EML6: variants seen among roughly 807,000 people sequenced by gnomAD.
EML6 encodes the protein EMAP like 6.
In EML6, 154 loss-of-function variants were observed where a neutral mutation model predicts 240.1. That is an observed-to-expected ratio of 0.64 (90% CI 0.56 to 0.73). The LOEUF (loss-of-function observed/expected upper bound fraction) is 0.73. Among genes scored for constraint, EML6 ranks in the 30% least tolerant of loss-of-function variants. EML6 has a pLI of 0.00. For synonymous variants in EML6, 1,148 were observed against 899.0 expected (o/e 1.28, Z -4.95); for missense variants, 2,964 against 2,474.6 (o/e 1.20, Z -4.20).
At chr2:54,875,736 C>A (rs1671472181) in intron 16 of EML6, among the ~76,000 whole-genome samples, 1 of 152,168 alleles carries the variant, frequency 6.6e-6, no homozygotes, top group Admixed American at 6.5e-5. Context: ...TCTTTTAACT[C>A]AGTATTTATT....
intron 7 of EML6, among the ~76,000 whole-genome samples, chr2:54,835,488 A>T (rs952983589): frequency 1.3e-5 from 2 of 152,120 alleles, no homozygotes; most frequent in African/African-American, 4.8e-5. Flanking sequence ...GCAAGCTTGC[A>T]CTCCAAGGGC....
intron 7 of EML6, among the ~76,000 whole-genome samples, chr2:54,835,983 G>A (rs1203886724): frequency 6.6e-6 from 1 of 152,096 alleles, no homozygotes; most frequent in Non-Finnish European, 1.5e-5. Context: ...CTCCAGTCCC[G>A]CGGGCGGCTC....
At chr2:54,843,710 G>A (rs1346715059) in intron 7 of EML6, among the ~76,000 whole-genome samples, 1 of 151,966 alleles carries the variant, frequency 6.6e-6, no homozygotes, top group East Asian at 1.9e-4. Flanking sequence ...GGGTGTGGTG[G>A]TGGGCATCTG....
intron 24 of EML6, among the ~76,000 whole-genome samples, chr2:54,908,295 T>C (rs1403976484): frequency 6.6e-6 from 1 of 151,116 alleles, no homozygotes; most frequent in Non-Finnish European, 1.5e-5. Flanking sequence ...CTGCAATCTG[T>C]GCCTCCTGTG....
intron 25 of EML6, among the ~76,000 whole-genome samples, chr2:54,914,237 A>G (rs1037390289): frequency 6.6e-6 from 1 of 152,192 alleles, no homozygotes; most frequent in Non-Finnish European, 1.5e-5. Flanking sequence ...CAGATAAGGA[A>G]ACTAAGGCTC....
chr2:54,964,457 A>C, intron 37 of EML6, 114 bp from the exon 38 acceptor site: 1 of 946,086 alleles, frequency 1.1e-6, no homozygotes, highest in Non-Finnish European at 1.6e-6. Flanking sequence ...TGTGAGTCAC[A>C]AGGTGGCTCT....
At chr2:54,958,037 A>T in intron 33 of EML6, 39 bp downstream of exon 33, 1 of 1,511,440 alleles carries the variant, frequency 6.6e-7, no homozygotes, top group East Asian at 2.5e-5. Context: ...GGGGACCCAG[A>T]CCCCCTGGGC....
chr2:54,724,969 G>T lies in EML6; in HGVS notation c.-93G>T, dbSNP rs1682836484. The T allele has an allele frequency of 3.7e-6, 4 of 1,078,682 alleles. No individual in the cohort carries two copies. The African/African-American group carries it at 6.7e-5, about 18-fold the overall frequency. The allele number at this position is 1,078,682 out of a possible 1,614,324, so 66.8% of individuals were successfully genotyped here. ...CGCGGAAATCAGCGCCCTGCGCCGC[G>T]CGCTGAGCCCCTGCAGGTCCGCCGC... On this transcript the variant is annotated 5_prime_UTR_variant, in exon 2 of 42. Coordinates refer to ENST00000356458, the MANE Select transcript of EML6 (RefSeq NM_001039753.4). The surrounding 1 kb of genome is among the most constrained non-coding windows in gnomAD (Gnocchi z 5.2).
At chr2:54,789,101 C>T (rs1323213510) in intron 2 of EML6, among the ~76,000 whole-genome samples, 1 of 152,216 alleles carries the variant, frequency 6.6e-6, no homozygotes. Flanking sequence ...TTAATTCCTT[C>T]AGCACTTTGG....
chr2:54,885,046 G>A (rs4671986), intron 17 of EML6, among the ~76,000 whole-genome samples: 131,595 of 152,100 alleles, frequency 0.87, 57,097 homozygotes, highest in East Asian at 0.9. Context: ...AGTCCCAGCT[G>A]CTTGGGAGGC....
intron 24 of EML6, among the ~76,000 whole-genome samples, chr2:54,907,081 C>T (rs1332626375): frequency 6.6e-6 from 1 of 152,102 alleles, no homozygotes; most frequent in Non-Finnish European, 1.5e-5. Context: ...ACATCAGCTA[C>T]CCCTGAATGA....
At chr2:54,803,394 C>T (rs1214147326) in intron 2 of EML6, among the ~76,000 whole-genome samples, 2 of 152,136 alleles carry the variant, frequency 1.3e-5, no homozygotes, top group Non-Finnish European at 2.9e-5. Context: ...AAGGGGTTGA[C>T]AGTGGTAATA....
chr2:54,839,480 G>C (rs10208786), intron 7 of EML6, among the ~76,000 whole-genome samples: 60,621 of 152,144 alleles, frequency 0.4, 13,710 homozygotes, highest in East Asian at 0.58. Context: ...AGGGAGAGAC[G>C]CAGTTGCTCT....
In EML6 at chr2:54,957,899, C is replaced by T. The variant is rs775202113; in HGVS notation, c.4596C>T (p.Phe1532=). ...CTGTCGGGGTCAAACATATGAAGTT[C>T]TGGACCCTGGCAGGCAGCGCCTTGC... ...FVSVGVKHMK[F]WTLAGSALLY... is the part of the protein sequence containing the mutation. Residue 1532 remains phenylalanine (F), a synonymous_variant, in exon 33 of 42, where the codon TTC becomes TTT. Coordinates refer to ENST00000356458, the MANE Select transcript of EML6 (RefSeq NM_001039753.4). The T allele has an allele frequency of 1.4e-4, 221 of 1,551,506 alleles. No individual in the cohort carries two copies. Among genetic ancestry groups the T allele is most frequent in the Non-Finnish European group, 1.9e-4 (217 of 1,147,004 alleles).
At chr2:54,892,426 A>G (rs1672519921) in intron 18 of EML6, 28 bp from the exon 19 acceptor site, 47 of 1,496,908 alleles carry the variant, frequency 3.1e-5, no homozygotes, top group Non-Finnish European at 4.2e-5. Context: ...GATTTTATAA[A>G]GTAATAACTG....
At chr2:54,816,271 A>T (rs1668078365) in intron 3 of EML6, among the ~76,000 whole-genome samples, 1 of 152,218 alleles carries the variant, frequency 6.6e-6, no homozygotes, top group South Asian at 2.1e-4. Flanking sequence ...GTGAAGTACC[A>T]GATTACTTCT....
At chr2:54,869,731 C>T (rs1671155231) in intron 15 of EML6, among the ~76,000 whole-genome samples, 1 of 152,188 alleles carries the variant, frequency 6.6e-6, no homozygotes, top group Admixed American at 6.5e-5. Context: ...TTTAAAAATA[C>T]TATAACATCT....
intron 25 of EML6, among the ~76,000 whole-genome samples, chr2:54,914,102 T>A (rs200560174): frequency 1.3e-5 from 2 of 152,228 alleles, no homozygotes; most frequent in Non-Finnish European, 2.9e-5. Context: ...CTGGCTTTGT[T>A]CTTTTTGCCT....
chr2:54,862,461 A>G (rs1204719574), intron 12 of EML6, among the ~76,000 whole-genome samples: 2 of 151,868 alleles, frequency 1.3e-5, no homozygotes, highest in Non-Finnish European at 2.9e-5. Flanking sequence ...GTGAACTTGG[A>G]AAGACAGATT....
Sources: allele counts gnomAD v4.1 joint callset (sites outside exome capture counted in the v4.1 genomes callset), GRCh38; gene constraint gnomAD v4.1.1; non-coding constraint Gnocchi (gnomAD v3.1); transcripts MANE v1.5; gene names NCBI Gene and HGNC (gene_info 2026-07-23, HGNC 2026-07-21).